Variants in NFIB observed in about 807,000 individuals in gnomAD.
The protein encoded by NFIB is nuclear factor 1 B-type.
In NFIB, 11 loss-of-function variants were observed where a neutral mutation model predicts 61.5. The observed-to-expected ratio is 0.18, with a 90% CI of 0.11 to 0.30. The LOEUF is 0.30. Ranked by LOEUF, NFIB falls within the 10% of genes least tolerant of loss-of-function variation. The pLI, the probability that NFIB is intolerant of heterozygous loss-of-function variation, is 1.00. For synonymous variants in NFIB, 260 were observed against 216.5 expected (o/e 1.20, Z -1.76); for missense variants, 471 against 608.9 (o/e 0.77, Z 2.38).
At chr9:14,209,774 A>G (rs970640828) in intron 2 of NFIB, among the ~76,000 whole-genome samples, 3 of 152,164 alleles carry the variant, frequency 2.0e-5, no homozygotes, top group Non-Finnish European at 4.4e-5. Flanking sequence ...AGTTTGGAAG[A>G]TCTATTTATT....
chr9:14,365,914 C>T (rs2061294622), intron 1 of NFIB, among the ~76,000 whole-genome samples: 1 of 152,184 alleles, frequency 6.6e-6, no homozygotes, highest in South Asian at 2.1e-4. Context: ...CCTTCCATGC[C>T]AGTCACTGCT....
chr9:14,138,121 A>G (rs984769880), intron 6 of NFIB, among the ~76,000 whole-genome samples: 1 of 152,148 alleles, frequency 6.6e-6, no homozygotes, highest in African/African-American at 2.4e-5. Flanking sequence ...TGCATGATCT[A>G]TGATGAGTTT....
At chr9:14,468,540 A>G in the NFIB span, among the ~76,000 whole-genome samples, 1 of 152,192 alleles carries the variant, frequency 6.6e-6, no homozygotes, top group Non-Finnish European at 1.5e-5. Flanking sequence ...ATTTTGTTGC[A>G]CTATTTCTGA....
chr9:14,168,385 A>G (rs1377241203), intron 3 of NFIB, among the ~76,000 whole-genome samples: 1 of 152,226 alleles, frequency 6.6e-6, no homozygotes, highest in Non-Finnish European at 1.5e-5. Flanking sequence ...ACTGTAAAAC[A>G]GCACTGCAGA....
At chr9:14,278,123 C>T (rs1040440508) in intron 2 of NFIB, among the ~76,000 whole-genome samples, 1 of 152,094 alleles carries the variant, frequency 6.6e-6, no homozygotes, top group Admixed American at 6.5e-5. Context: ...ATCCTGATGA[C>T]CAGTATGTCT....
At position 14,348,487 on chromosome 9, in the gene NFIB, C is replaced by T. The variant is rs538770255; in HGVS notation, c.109-40967G>A. Reference sequence around the variant, plus strand: ...GAAAACAAGGTTATTTAAAGTGACTCCCAGAACGCAGCTTTCGTTCCTAGA... The same window carrying T: ...GAAAACAAGGTTATTTAAAGTGACTTCCAGAACGCAGCTTTCGTTCCTAGA... On this transcript the variant is annotated intron_variant, in intron 1 of 8. Coordinates refer to the NFIB transcript ENST00000380934. 8.0e-4 allele frequency among the ~76,000 whole-genome samples: 122 copies of T among 152,302 alleles called. 1 individual carries two copies. The highest frequency in any genetic ancestry group is 2.8e-3 in the African/African-American group (115 of 41,576).
At position 14,120,584 on chromosome 9, in the gene NFIB, T is replaced by C; in HGVS notation, c.1101A>G (p.Pro367=). 6.2e-7 allele frequency: 1 copy of C among 1,613,152 alleles called. No homozygotes were observed. Residue 367 remains proline, a synonymous_variant, in exon 8 of 11, where the codon CCA becomes CCG. Transcript: ENST00000380953. This position sits in a 1 kb window ranked among gnomAD's most constrained non-coding sequence, Gnocchi z 4.4. ...GAGGAAGGATAGCTTGTGTTGGAAA[T>C]GGCAACGGTGAAGGTGGAGGTGGAG... ...TRTPPPPSPL[P]FPTQAILPPA...
chr9:14,239,545 CAG>C lies in NFIB; in HGVS notation c.563-59767_563-59766del, dbSNP rs536808266. ...GTCACTTATTATCTATGAAGGAAAA[CAG>C]AAAGAGAAAAGATAAGAAAACAACA... is the stretch of plus-strand genomic sequence containing the variant. On this transcript the variant is annotated intron_variant, in intron 2 of 10. Transcript: ENST00000380953. Among the ~76,000 whole-genome samples, 213 of 151,980 alleles carry C rather than the reference CAG, an allele frequency of 1.4e-3. 3 individuals carry two copies. The highest frequency in any genetic ancestry group is 4.9e-3 in the African/African-American group (204 of 41,488).
intron 1 of NFIB, among the ~76,000 whole-genome samples, chr9:14,387,378 T>C (rs933857714): frequency 6.6e-6 from 1 of 152,132 alleles, no homozygotes; most frequent in African/African-American, 2.4e-5. Flanking sequence ...GAAACATAAC[T>C]AAAAATTAAA....
chr9:14,131,397 C>A (rs148527188), intron 6 of NFIB, among the ~76,000 whole-genome samples: 62 of 152,260 alleles, frequency 4.1e-4, no homozygotes, highest in African/African-American at 1.5e-3. Context: ...CATCCTAGGC[C>A]TTGATGTGTT....
intron 1 of NFIB, among the ~76,000 whole-genome samples, chr9:14,370,070 A>G (rs932312384): frequency 1.3e-5 from 2 of 152,158 alleles, no homozygotes; most frequent in African/African-American, 2.4e-5. Context: ...ACCATTCGCC[A>G]TCTCCAAACA....
the NFIB span, among the ~76,000 whole-genome samples, chr9:14,419,069 A>G: frequency 2.0e-4 from 30 of 151,890 alleles, no homozygotes; most frequent in Non-Finnish European, 4.0e-4. Flanking sequence ...AAGTCACCAA[A>G]CAAAGAGGCT....
chr9:14,347,983 G>A (rs1255018625), intron 1 of NFIB, among the ~76,000 whole-genome samples: 1 of 152,190 alleles, frequency 6.6e-6, no homozygotes, highest in Non-Finnish European at 1.5e-5. Flanking sequence ...CGCGGTCCTT[G>A]GCGGGGACGT....
At chr9:14,254,265 C>T (rs2055971683) in intron 2 of NFIB, among the ~76,000 whole-genome samples, 1 of 151,698 alleles carries the variant, frequency 6.6e-6, no homozygotes, top group Non-Finnish European at 1.5e-5. Context: ...CACACCACTG[C>T]ACTCCAGCCT....
chr9:14,371,373 T>C (rs2061357061), intron 1 of NFIB, among the ~76,000 whole-genome samples: 1 of 152,156 alleles, frequency 6.6e-6, no homozygotes, highest in Non-Finnish European at 1.5e-5. Flanking sequence ...TAGAAATCCT[T>C]GTTGAAGCGT....
At chr9:14,198,742 T>C (rs529110828) in intron 2 of NFIB, among the ~76,000 whole-genome samples, 1 of 152,290 alleles carries the variant, frequency 6.6e-6, no homozygotes, top group Non-Finnish European at 1.5e-5. Flanking sequence ...TCTCAGCCAG[T>C]GTACAAGGGA....
chr9:14,316,725 T>C (rs529601332), upstream of NFIB, among the ~76,000 whole-genome samples: 7 of 152,174 alleles, frequency 4.6e-5, no homozygotes, highest in South Asian at 1.5e-3. Flanking sequence ...AGCATCACTT[T>C]GTATTGCACA....
At chr9:14,124,414 A>T (rs1306345435) in intron 7 of NFIB, among the ~76,000 whole-genome samples, 2 of 152,116 alleles carry the variant, frequency 1.3e-5, no homozygotes, top group African/African-American at 4.8e-5. Flanking sequence ...CAATTTCGTA[A>T]TTTTTTAATG....
chr9:14,343,448 C>T lies in NFIB; in HGVS notation c.109-35928G>A, dbSNP rs963093737. Among the ~76,000 whole-genome samples, 3 of 152,128 alleles carry T rather than the reference C, an allele frequency of 2.0e-5. No homozygotes were observed. In the South Asian group the frequency reaches 6.2e-4, roughly 32 times the overall value. ...AGACGTGGCCAGGTTTTCCCTGTAG[C>T]AGACACAGATGCTTCAGAAGGAGTT... On this transcript the variant is annotated intron_variant, in intron 1 of 8. Transcript: ENST00000380934.
Sources: gnomAD v4.1 joint callset for allele counts (sites outside exome capture counted in the v4.1 genomes callset) on GRCh38, gnomAD v4.1.1 for gene constraint, Gnocchi (gnomAD v3.1) non-coding constraint, MANE v1.5 for transcripts, NCBI Gene and HGNC (gene_info 2026-07-23, HGNC 2026-07-21) for gene names.